KANK4: variants seen among roughly 807,000 people sequenced by gnomAD.
KANK4 encodes the protein KN motif and ankyrin repeat domain-containing protein 4.
In KANK4, 50 loss-of-function variants were observed where a neutral mutation model predicts 80.8. The observed-to-expected ratio is 0.62, with a 90% CI of 0.49 to 0.78. The LOEUF (loss-of-function observed/expected upper bound fraction) is 0.78. Ranked by LOEUF, KANK4 falls within the 30% of genes least tolerant of loss-of-function variation. The pLI is 0.00. For synonymous variants in KANK4, 465 were observed against 506.9 expected, an observed-to-expected ratio of 0.92 and a Z score of 1.11; for missense variants, 1,196 against 1,240.1, an observed-to-expected ratio of 0.96 and a Z score of 0.53.
In KANK4 at chr1:62,238,462, A is replaced by G. The variant is rs41289438; in HGVS notation, c.2884-81T>C. 0.35 allele frequency: 415,457 copies of G among 1,179,684 alleles called. 75,366 individuals are homozygous for G. The highest frequency in any genetic ancestry group is 0.37 in the Non-Finnish European group (294,529 of 798,714). The allele number at this position is 1,179,684 out of a possible 1,614,324, so 73.1% of individuals were successfully genotyped here. A position where few individuals can be genotyped will look rare whatever the true frequency, so the allele number is the denominator to read the frequency against. ...GGGGAGAAGGGCAAGTTGGGAGTAGAGGGTATGCCTGGGACACAGGTGTCT... is the reference window on the plus strand; with the variant it reads ...GGGGAGAAGGGCAAGTTGGGAGTAGGGGGTATGCCTGGGACACAGGTGTCT... On this transcript the variant is annotated intron_variant, in intron 9 of 9. Coordinates refer to ENST00000371153, the MANE Select transcript of KANK4 (RefSeq NM_181712.5).
intron 1 of KANK4, among the ~76,000 whole-genome samples, chr1:62,289,584 G>T (rs1672638573): frequency 6.6e-6 from 1 of 152,138 alleles, no homozygotes; most frequent in South Asian, 2.1e-4. Flanking sequence ...TTGTGCATGT[G>T]CATAGGGGAA....
chr1:62,270,244 T>C (rs148777853), intron 4 of KANK4, among the ~76,000 whole-genome samples: 159 of 152,300 alleles, frequency 1.0e-3, no homozygotes, highest in Admixed American at 1.8e-3. Flanking sequence ...AGACGTGACC[T>C]ATACTAGGCT....
chr1:62,236,351 C>G lies in KANK4; in HGVS notation c.*1926G>C, dbSNP rs1671200276. Among the ~76,000 whole-genome samples the G allele has an allele frequency of 6.6e-6, 1 of 152,128 alleles. No individual in the cohort carries two copies. The highest frequency in any genetic ancestry group is 2.4e-5 in the African/African-American group (1 of 41,412). ...GGTGATTTGTATGCACATAAATGTT[C>G]GCGAAGCACCGGGCTAGAACATTTA... On this transcript the variant is annotated 3_prime_UTR_variant, in exon 10 of 10. Transcript: ENST00000371153.
chr1:62,249,953 A>G (rs1434243150), intron 8 of KANK4, among the ~76,000 whole-genome samples: 1 of 151,812 alleles, frequency 6.6e-6, no homozygotes, highest in East Asian at 1.9e-4. Flanking sequence ...GATTACAGGC[A>G]TGAGCCACCG....
chr1:62,313,839 ACATGT>A lies in KANK4; in HGVS notation c.-71+5262_-71+5266del, dbSNP rs1343779126. Reference sequence around the variant, plus strand: ...TACGTAACAAACCTGCACGTTCTGCACATGTATCCCCAAGCTAAAAGTAAAATAAT... The same window carrying A: ...TACGTAACAAACCTGCACGTTCTGCAATCCCCAAGCTAAAAGTAAAATAAT... On this transcript the variant is annotated intron_variant, in intron 1 of 9. Transcript: ENST00000371153. 2.0e-5 allele frequency among the ~76,000 whole-genome samples: 3 copies of A among 151,926 alleles called. No homozygotes were observed. In the East Asian group the frequency reaches 5.8e-4, roughly 29 times the overall value.
intron 1 of KANK4, among the ~76,000 whole-genome samples, chr1:62,301,499 T>C (rs1644411642): frequency 6.6e-6 from 1 of 151,902 alleles, no homozygotes; most frequent in South Asian, 2.1e-4. Context: ...ACCCACCGCT[T>C]ATTAAATTAT....
At chr1:62,249,808 G>T (rs1671569241) in intron 8 of KANK4, among the ~76,000 whole-genome samples, 1 of 151,876 alleles carries the variant, frequency 6.6e-6, no homozygotes, top group African/African-American at 2.4e-5. Context: ...CTCCCAAAGT[G>T]CTGGGATTAC....
intron 1 of KANK4, among the ~76,000 whole-genome samples, chr1:62,304,266 C>T (rs1232578320): frequency 6.6e-6 from 1 of 151,990 alleles, no homozygotes; most frequent in Non-Finnish European, 1.5e-5. Flanking sequence ...AGACGTTGAT[C>T]TGAATAGCAA....
At chr1:62,260,586 G>C (rs765060589) in intron 7 of KANK4, among the ~76,000 whole-genome samples, 3 of 152,094 alleles carry the variant, frequency 2.0e-5, no homozygotes, top group Non-Finnish European at 4.4e-5. Flanking sequence ...CCCCAAGCCT[G>C]TCGCTTTGCT....
intron 1 of KANK4, among the ~76,000 whole-genome samples, chr1:62,296,024 C>A (rs1159962457): frequency 6.6e-6 from 1 of 152,228 alleles, no homozygotes; most frequent in Non-Finnish European, 1.5e-5. Flanking sequence ...CCTCTGTAAA[C>A]CAGATAAAGA....
At chr1:62,242,361 CAAAAAAA>C (rs57320794) in intron 9 of KANK4, among the ~76,000 whole-genome samples, 6 of 66,146 alleles carry the variant, frequency 9.1e-5, no homozygotes, top group Non-Finnish European at 1.3e-4. Flanking sequence ...GACCATACCT[CAAAAAAA>C]AAAAAAAAAA....
chr1:62,286,834 A>AGGAACAATGACCAGTAAATTCCT (rs1313019602), intron 1 of KANK4, among the ~76,000 whole-genome samples: 29 of 152,230 alleles, frequency 1.9e-4, no homozygotes, highest in Non-Finnish European at 4.1e-4. Context: ...GAGCCGAGAC[A>AGGAACAATGACCAGTAAATTCCT]GGAACAATGA....
At chr1:62,240,781 C>T (rs183822363) in intron 9 of KANK4, among the ~76,000 whole-genome samples, 148 of 152,316 alleles carry the variant, frequency 9.7e-4, no homozygotes, top group African/African-American at 3.4e-3. Flanking sequence ...TTTACATTGA[C>T]ACGGTGATGC....
chr1:62,312,138 T>G (rs1040493515), intron 1 of KANK4, among the ~76,000 whole-genome samples: 3 of 152,140 alleles, frequency 2.0e-5, no homozygotes, highest in South Asian at 2.1e-4. Context: ...TTAATAAAAT[T>G]TTTTAAATTG....
rs527923101 is a variant in KANK4 at position 62,274,414 on chromosome 1, C to T, written c.690G>A (p.Glu230=). 5.6e-6 allele frequency: 9 copies of T among 1,614,098 alleles called. No homozygotes were observed. Among genetic ancestry groups the T allele is most frequent in the Non-Finnish European group, 7.6e-6 (9 of 1,180,036 alleles). Residue 230 remains glutamate, a synonymous_variant, in exon 3 of 10, where the codon GAG becomes GAA. Transcript: ENST00000371153. ...ASTRIPELVQ[E]GAEPPEGVVK... is the part of the protein sequence containing the mutation. The stretch of plus-strand genomic sequence containing the variant: ...CCACACCCTCTGGAGGCTCAGCTCC[C>T]TCCTGGACCAGCTCTGGAATCCGAG...
At chr1:62,249,952 C>A (rs1271803149) in intron 8 of KANK4, among the ~76,000 whole-genome samples, 1 of 151,994 alleles carries the variant, frequency 6.6e-6, no homozygotes, top group African/African-American at 2.4e-5. Flanking sequence ...AGATTACAGG[C>A]ATGAGCCACC....
chr1:62,273,819 C>T lies in KANK4; in HGVS notation c.1285G>A (p.Asp429Asn). The T allele has an allele frequency of 6.2e-7, 1 of 1,614,174 alleles. No individual in the cohort carries two copies. The change falls in exon 3 of 10, where the codon GAT (aspartate) becomes AAT (asparagine). Residue 429 changes from aspartate (D) to asparagine (N), a missense_variant. Transcript: ENST00000371153. The stretch of plus-strand genomic sequence containing the variant: ...AGAAGGTTGACTTCAATGCCCTTAT[C>T]ACACGACTCCCTGGTCAAGAGTCCA... ...VHGLLTRESC[D>N]KGIEVNLLGS...
rs1470666350 is a variant in KANK4, at chr1:62,303,408, G to A, written c.-71+15698C>T. On this transcript the variant is annotated intron_variant, in intron 1 of 9. Transcript: ENST00000371153. Reference sequence around the variant, plus strand: ...CATCATGTCATCCATACCAACAAGTGCAAAGGTGAGGACAGGGCGAGCAGC... The same window carrying A: ...CATCATGTCATCCATACCAACAAGTACAAAGGTGAGGACAGGGCGAGCAGC... Among the ~76,000 whole-genome samples the A allele has an allele frequency of 4.6e-5, 7 of 151,938 alleles. 1 individual carries two copies. Among genetic ancestry groups the A allele is most frequent in the Admixed American group, 4.6e-4 (7 of 15,266 alleles).
intron 1 of KANK4, among the ~76,000 whole-genome samples, chr1:62,307,089 G>GTCC (rs770782450): frequency 2.0e-5 from 3 of 152,118 alleles, no homozygotes; most frequent in Admixed American, 6.5e-5. Context: ...CTTTCCAGAT[G>GTCC]TCCTGGCCCC....
Sources: gnomAD v4.1 joint callset for allele counts (sites outside exome capture counted in the v4.1 genomes callset) on GRCh38, gnomAD v4.1.1 for gene constraint, MANE v1.5 for transcripts, NCBI Gene and HGNC (gene_info 2026-07-23, HGNC 2026-07-21) for gene names.